The following JAKMIP2 variants were observed in gnomAD, a reference collection of about 807,000 sequenced individuals.
JAKMIP2 encodes the protein janus kinase and microtubule interacting protein 2.
JAKMIP2 carries 25 observed loss-of-function variants against 115.0 expected under a neutral mutation model. The ratio of observed to expected loss-of-function variants is 0.22; its 90% CI spans 0.16 to 0.30. The LOEUF (loss-of-function observed/expected upper bound fraction) is 0.30. Among genes scored for constraint, JAKMIP2 ranks in the 10% least tolerant of loss-of-function variants. The probability of loss-of-function intolerance (pLI) is 1.00; values close to 1 mark genes in which losing one functional copy is unlikely to be tolerated. For synonymous variants in JAKMIP2, 334 were observed against 343.6 expected (o/e 0.97, Z 0.31); for missense variants, 642 against 957.6 (o/e 0.67, Z 4.35).
At chr5:147,676,083 C>G (rs991234541) in intron 1 of JAKMIP2, among the ~76,000 whole-genome samples, 2 of 152,142 alleles carry the variant, frequency 1.3e-5, no homozygotes, top group African/African-American at 4.8e-5. Context: ...CCTGCAATCC[C>G]AGCACTTTGG....
chr5:147,734,769 T>C (rs1035361656), intron 1 of JAKMIP2, among the ~76,000 whole-genome samples: 2 of 152,174 alleles, frequency 1.3e-5, no homozygotes, highest in Non-Finnish European at 2.9e-5. Flanking sequence ...ACAAAACTGA[T>C]TGTTTTCCAA....
At chr5:147,754,396 C>T (rs1258653528) in intron 1 of JAKMIP2, among the ~76,000 whole-genome samples, 1 of 151,918 alleles carries the variant, frequency 6.6e-6, no homozygotes, top group African/African-American at 2.4e-5. Flanking sequence ...AGGAGGAAGA[C>T]CCATAAAAAT....
intron 1 of JAKMIP2, among the ~76,000 whole-genome samples, chr5:147,748,677 T>C (rs531612055): frequency 1.3e-5 from 2 of 152,258 alleles, no homozygotes; most frequent in Admixed American, 1.3e-4. Context: ...ACAGGCAACC[T>C]GGCACTGGCC....
intron 1 of JAKMIP2, among the ~76,000 whole-genome samples, chr5:147,683,242 C>A (rs1447529134): frequency 6.6e-6 from 1 of 152,194 alleles, no homozygotes; most frequent in Non-Finnish European, 1.5e-5. Flanking sequence ...GTAATCCCAG[C>A]ACTTTGGGAG....
chr5:147,672,769 A>G (rs570591339), intron 1 of JAKMIP2, among the ~76,000 whole-genome samples: 1 of 152,200 alleles, frequency 6.6e-6, no homozygotes, highest in Non-Finnish European at 1.5e-5. Flanking sequence ...TAACAGATGG[A>G]GAAACAGGTG....
chr5:147,670,710 C>A (rs938750748), intron 2 of JAKMIP2, among the ~76,000 whole-genome samples: 1 of 152,138 alleles, frequency 6.6e-6, no homozygotes, highest in Non-Finnish European at 1.5e-5. Flanking sequence ...CTCATAAGCA[C>A]ATAATATACT....
At chr5:147,743,995 CTTCT>C (rs1390766471) in intron 1 of JAKMIP2, among the ~76,000 whole-genome samples, 8 of 102,240 alleles carry the variant, frequency 7.8e-5, no homozygotes, top group African/African-American at 2.0e-4. Flanking sequence ...TCCTTCCTAA[CTTCT>C]TTCCTTCCTT....
At chr5:147,692,115 C>A (rs1346599331) in intron 1 of JAKMIP2, among the ~76,000 whole-genome samples, 1 of 152,034 alleles carries the variant, frequency 6.6e-6, no homozygotes, top group East Asian at 1.9e-4. Context: ...AATAGAGTCT[C>A]TGCAAATGTA....
At chr5:147,732,675 T>C (rs1219486428) in intron 1 of JAKMIP2, among the ~76,000 whole-genome samples, 1 of 152,198 alleles carries the variant, frequency 6.6e-6, no homozygotes, top group African/African-American at 2.4e-5. Flanking sequence ...ATTTGCATGA[T>C]GTCATTAATC....
Position 147,778,375 on chromosome 5 carries a change from A to G in JAKMIP2, c.-149+4081T>C, listed in dbSNP as rs141005609. ...GTGTATTTGGCAATTAAATATGGCC[A>G]AAGAACAAATTTTGGTACCTGAAAT... On this transcript the variant is annotated intron_variant, in intron 1 of 21. Transcript: ENST00000616793. 1.5e-3 allele frequency among the ~76,000 whole-genome samples: 232 copies of G among 152,204 alleles called. 4 individuals carry two copies. In the East Asian group the frequency reaches 0.039, roughly 26 times the overall value.
At chr5:147,702,321 G>C (rs1382875663) in intron 1 of JAKMIP2, among the ~76,000 whole-genome samples, 1 of 123,108 alleles carries the variant, frequency 8.1e-6, no homozygotes, top group Non-Finnish European at 1.7e-5. Flanking sequence ...GGAAGGGGGG[G>C]TGACGGATAA....
At chr5:147,762,880 T>A (rs1226085994) in intron 1 of JAKMIP2, among the ~76,000 whole-genome samples, 2 of 152,144 alleles carry the variant, frequency 1.3e-5, no homozygotes, top group Non-Finnish European at 2.9e-5. Context: ...TCAAAGGGTG[T>A]GTCATTTTAA....
At chr5:147,598,426 A>ATCTC (rs1470641009) in intron 21 of JAKMIP2, among the ~76,000 whole-genome samples, 31 of 1,240 alleles carry the variant, frequency 0.025, no homozygotes, top group Admixed American at 0.033. Context: ...TCTCATTTTC[A>ATCTC]TCTATCTATC....
intron 20 of JAKMIP2, among the ~76,000 whole-genome samples, chr5:147,603,022 A>G (rs1226123321): frequency 6.6e-6 from 1 of 152,176 alleles, no homozygotes; most frequent in Non-Finnish European, 1.5e-5. Context: ...CGAGAATGAG[A>G]GTAATGGACG....
At position 147,586,908 on chromosome 5, in the gene JAKMIP2, G is replaced by A. The variant is rs1403897443; in HGVS notation, c.*4799C>T. The A allele has an allele frequency of 1.3e-5, 2 of 151,892 alleles. No individual in the cohort carries two copies. Among genetic ancestry groups the A allele is most frequent in the African/African-American group, 4.8e-5 (2 of 41,342 alleles). The allele number at this position is 151,892 out of a possible 1,614,324, so 9.4% of individuals were successfully genotyped here. The stretch of plus-strand genomic sequence containing the variant: ...CATTGGACTTGGACTCCCAGCAAGA[G>A]ATTTATTTAGGAAGAACTAAACCGC... On this transcript the variant is annotated 3_prime_UTR_variant, in exon 22 of 22. Coordinates refer to ENST00000616793, the MANE Select transcript of JAKMIP2 (RefSeq NM_001270941.2).
At chr5:147,650,928 ACTT>A (rs1298554575) in intron 3 of JAKMIP2, among the ~76,000 whole-genome samples, 3 of 152,294 alleles carry the variant, frequency 2.0e-5, no homozygotes, top group Middle Eastern at 3.4e-3. Context: ...TTTTGATGTC[ACTT>A]CTTCTTTGGG....
intron 19 of JAKMIP2, among the ~76,000 whole-genome samples, chr5:147,612,598 T>C (rs1756388501): frequency 6.6e-6 from 1 of 152,224 alleles, no homozygotes; most frequent in South Asian, 2.1e-4. Context: ...TTTCAAAAAA[T>C]ATTTGCCACC....
In JAKMIP2 at chr5:147,644,058, C is replaced by A; in HGVS notation, c.1224G>T (p.Arg408Ser). The change falls in exon 7 of 22, where the codon AGG becomes AGT. Residue 408 changes from arginine (R) to serine (S), a missense_variant and splice_region_variant. By Grantham distance (110) the Arg-to-Ser change is moderately radical. This residue lies in a region of JAKMIP2 where 439 missense variants were observed against 570.9 expected (regional missense o/e 0.77). Coordinates refer to ENST00000616793, the MANE Select transcript of JAKMIP2 (RefSeq NM_001270941.2). ...EQQNIIDELT[R>S]DREKLIRRRK... ...GGTTTACAGATTGATTGACACGTAC[C>A]CTTGTGAGCTCATCAATAATGTTCT... 6.4e-7 allele frequency: 1 copy of A among 1,561,462 alleles called. No individual in the cohort carries two copies. Among genetic ancestry groups the A allele is most frequent in the Non-Finnish European group, 8.7e-7 (1 of 1,145,796 alleles).
intron 2 of JAKMIP2, among the ~76,000 whole-genome samples, chr5:147,664,559 C>A (rs1315814697): frequency 6.6e-6 from 1 of 152,176 alleles, no homozygotes. Context: ...TTCCTCATGG[C>A]CTGGCTAGAG....
Sources: allele counts gnomAD v4.1 joint callset (sites outside exome capture counted in the v4.1 genomes callset), GRCh38; gene constraint gnomAD v4.1.1; regional missense constraint gnomAD v4.1.1; transcripts MANE v1.5; gene names NCBI Gene and HGNC (gene_info 2026-07-23, HGNC 2026-07-21).